PLEKHM3: variants seen among roughly 807,000 people sequenced by gnomAD.
PLEKHM3 encodes pleckstrin homology domain containing M3, also known as pleckstrin homology domain-containing family M member 3.
PLEKHM3 carries 45 observed loss-of-function variants against 81.8 expected under a neutral mutation model. The observed-to-expected ratio is 0.55, with a 90% confidence interval of 0.43 to 0.71. PLEKHM3 has a LOEUF of 0.71. Ranked by LOEUF, PLEKHM3 falls within the 30% of genes least tolerant of loss-of-function variation. The pLI, the probability that PLEKHM3 is intolerant of heterozygous loss-of-function variation, is 0.00. For missense variants in PLEKHM3, 788 were observed against 924.3 expected (o/e 0.85, Z 1.91); for synonymous variants, 352 against 356.4 (o/e 0.99, Z 0.14).
In PLEKHM3 at chr2:207,843,492, A is replaced by AT. The variant is rs1474813067; in HGVS notation, c.2109-14997dup. 2.6e-5 allele frequency among the ~76,000 whole-genome samples: 4 copies of AT among 152,136 alleles called. No homozygotes were observed. The highest frequency in any genetic ancestry group is 5.9e-5 in the Non-Finnish European group (4 of 68,014). On this transcript the variant is annotated intron_variant, in intron 7 of 7. Coordinates refer to ENST00000427836, the MANE Select transcript of PLEKHM3 (RefSeq NM_001080475.3). The surrounding 1 kb of genome is among the most constrained non-coding windows in gnomAD (Gnocchi z 4.4). ...GGGAAGCCAGAGGAAGGGAAAAGTC[A>AT]TTTTGCTTGCTGCTTTGACATTCAC... is the stretch of plus-strand genomic sequence containing the variant.
At chr2:208,008,501 C>CAAAAAAAAAAAAAAAAA (rs59305459) in intron 1 of PLEKHM3, among the ~76,000 whole-genome samples, 6 of 83,740 alleles carry the variant, frequency 7.2e-5, no homozygotes, top group African/African-American at 2.2e-4. Context: ...CTAACCTTGC[C>CAAAAAAAAAAAAAAAAA]AAAAAAAAAA....
At chr2:207,961,249 G>GA (rs1418834830) in intron 3 of PLEKHM3, among the ~76,000 whole-genome samples, 1 of 152,182 alleles carries the variant, frequency 6.6e-6, no homozygotes, top group East Asian at 1.9e-4. Flanking sequence ...TGAAGATGGA[G>GA]AAGGAGACCA....
At chr2:207,908,263 A>G (rs1207964805) in intron 6 of PLEKHM3, among the ~76,000 whole-genome samples, 1 of 152,214 alleles carries the variant, frequency 6.6e-6, no homozygotes, top group African/African-American at 2.4e-5. Context: ...TAACTGTTCC[A>G]AAGTGGCTAA....
chr2:207,892,921 C>A (rs1455233301), intron 6 of PLEKHM3, among the ~76,000 whole-genome samples: 1 of 152,146 alleles, frequency 6.6e-6, no homozygotes, highest in Non-Finnish European at 1.5e-5. Flanking sequence ...AGAAGGAATT[C>A]AAGCCTCAAG....
chr2:207,930,563 T>C (rs1490006318), intron 5 of PLEKHM3, among the ~76,000 whole-genome samples: 1 of 152,158 alleles, frequency 6.6e-6, no homozygotes, highest in Non-Finnish European at 1.5e-5. Context: ...GAAACAGGAA[T>C]TGAAATTGGG....
At chr2:207,844,351 G>A (rs1272287277) in intron 7 of PLEKHM3, among the ~76,000 whole-genome samples, 7 of 145,924 alleles carry the variant, frequency 4.8e-5, no homozygotes, top group Non-Finnish European at 1.0e-4. Flanking sequence ...TGCCCAGGCT[G>A]GAGTGCAGTG....
intron 2 of PLEKHM3, among the ~76,000 whole-genome samples, chr2:207,996,602 C>A (rs909896792): frequency 1.3e-5 from 2 of 152,112 alleles, no homozygotes; most frequent in Non-Finnish European, 2.9e-5. Context: ...AAGAAACAAT[C>A]GCTTCCATCA....
intron 2 of PLEKHM3, among the ~76,000 whole-genome samples, chr2:207,987,096 A>ACTT (rs1175076981): frequency 6.6e-6 from 1 of 152,162 alleles, no homozygotes; most frequent in Non-Finnish European, 1.5e-5. Flanking sequence ...ATCTGTATTC[A>ACTT]ACTGCTACTT....
chr2:207,957,903 A>G (rs1262431739), intron 3 of PLEKHM3, among the ~76,000 whole-genome samples: 1 of 152,224 alleles, frequency 6.6e-6, no homozygotes, highest in Non-Finnish European at 1.5e-5. Flanking sequence ...GTCTGCAGAC[A>G]TTTTTGGTAG....
Position 207,843,252 on chromosome 2 carries a change from G to A in PLEKHM3, c.2109-14756C>T, listed in dbSNP as rs151279007. On this transcript the variant is annotated intron_variant, in intron 7 of 7. Transcript: ENST00000427836. This position sits in a 1 kb window ranked among gnomAD's most constrained non-coding sequence, Gnocchi z 4.4. ...TGGCCTCCCAAAGTGTTGAGCCACC[G>A]CACCAGGGGCTTTTCCTTTTCATTG... Among the ~76,000 whole-genome samples the A allele has an allele frequency of 0.019, 2,832 of 152,184 alleles. 41 individuals carry two copies. The highest frequency in any genetic ancestry group is 0.028 in the Non-Finnish European group (1,902 of 67,994).
chr2:207,903,577 T>C (rs1243851790), intron 6 of PLEKHM3, among the ~76,000 whole-genome samples: 1 of 152,240 alleles, frequency 6.6e-6, no homozygotes, highest in African/African-American at 2.4e-5. Context: ...AAGTAAAATC[T>C]GACCTTTTCT....
At chr2:207,954,184 T>A (rs546358381) in intron 3 of PLEKHM3, among the ~76,000 whole-genome samples, 14 of 152,014 alleles carry the variant, frequency 9.2e-5, no homozygotes, top group African/African-American at 2.7e-4. Flanking sequence ...GAGGCCCCAT[T>A]TTTTCCAAAA....
chr2:207,842,305 A>C lies in PLEKHM3; in HGVS notation c.2109-13809T>G, dbSNP rs79632827. On this transcript the variant is annotated intron_variant, in intron 7 of 7. Transcript: ENST00000427836. ...GATGCACCTGTATAATAAACACCTCAGGTAGTTAAGAACTAATCCTGGCTT... is the reference window on the plus strand; with the variant it reads ...GATGCACCTGTATAATAAACACCTCCGGTAGTTAAGAACTAATCCTGGCTT... Among the ~76,000 whole-genome samples, 7 of 152,328 alleles carry C rather than the reference A, an allele frequency of 4.6e-5. No homozygotes were observed. In the East Asian group the frequency reaches 7.7e-4, roughly 17 times the overall value.
At chr2:207,865,956 G>T (rs1215914036) in intron 6 of PLEKHM3, among the ~76,000 whole-genome samples, 1 of 150,076 alleles carries the variant, frequency 6.7e-6, no homozygotes, top group African/African-American at 2.5e-5. Flanking sequence ...GGTTCATGCT[G>T]ATTTTCTTTT....
rs66843432 is a variant in PLEKHM3 at position 207,943,867 on chromosome 2, C to CA, written c.1692+2499dup. 8.7e-3 allele frequency among the ~76,000 whole-genome samples: 657 copies of CA among 75,492 alleles called. 12 individuals are homozygous for CA. The highest frequency in any genetic ancestry group is 9.1e-3 in the Non-Finnish European group (380 of 41,612). The allele number at this position is 75,492 out of a possible 152,430, so 49.5% of individuals were successfully genotyped here. On this transcript the variant is annotated intron_variant, in intron 4 of 7. Coordinates refer to ENST00000427836, the MANE Select transcript of PLEKHM3 (RefSeq NM_001080475.3). ...TGGGCGACAGAGCGAGACTCCGTCTCAAAAAAAAAAAAAAAAAAAAAAAAG... is the reference window on the plus strand; with the variant it reads ...TGGGCGACAGAGCGAGACTCCGTCTCAAAAAAAAAAAAAAAAAAAAAAAAAG...
At chr2:207,986,159 A>T (rs1240562039) in intron 2 of PLEKHM3, among the ~76,000 whole-genome samples, 1 of 152,208 alleles carries the variant, frequency 6.6e-6, no homozygotes, top group Non-Finnish European at 1.5e-5. Flanking sequence ...GCAACATTTT[A>T]ATGTTTTCAA....
At chr2:207,901,747 G>A (rs1476201603) in intron 6 of PLEKHM3, among the ~76,000 whole-genome samples, 1 of 152,174 alleles carries the variant, frequency 6.6e-6, no homozygotes, top group East Asian at 1.9e-4. Flanking sequence ...TGCTTAAAAG[G>A]CATAATTTGT....
intron 6 of PLEKHM3, among the ~76,000 whole-genome samples, chr2:207,892,234 G>A (rs1688080716): frequency 6.6e-6 from 1 of 152,162 alleles, no homozygotes; most frequent in Non-Finnish European, 1.5e-5. Context: ...GACTCCGTAA[G>A]TCATGCAGTG....
intron 1 of PLEKHM3, among the ~76,000 whole-genome samples, chr2:208,016,425 A>C (rs1343142864): frequency 6.6e-6 from 1 of 151,766 alleles, no homozygotes; most frequent in African/African-American, 2.4e-5. Context: ...TGGCAGGTGG[A>C]TCTCCTGAGC....
Sources: gnomAD v4.1 joint callset for allele counts (sites outside exome capture counted in the v4.1 genomes callset) on GRCh38, gnomAD v4.1.1 for gene constraint, Gnocchi (gnomAD v3.1) non-coding constraint, MANE v1.5 for transcripts, NCBI Gene and HGNC (gene_info 2026-07-23, HGNC 2026-07-21) for gene names.